The following CEP112 variants were observed in gnomAD, a reference collection of about 807,000 sequenced individuals.
The protein encoded by CEP112 is centrosomal protein of 112 kDa.
CEP112 carries 127 observed loss-of-function variants against 153.0 expected under a neutral mutation model. The observed-to-expected ratio is 0.83, with a 90% confidence interval of 0.72 to 0.96. The LOEUF (loss-of-function observed/expected upper bound fraction) is 0.96. Ranked by LOEUF, CEP112 falls within the 40% of genes least tolerant of loss-of-function variation. The probability of loss-of-function intolerance (pLI) is 0.00; values close to 1 mark genes in which losing one functional copy is unlikely to be tolerated. For synonymous variants in CEP112, 358 were observed against 374.4 expected (o/e 0.96, Z 0.51); for missense variants, 1,089 against 1,101.2 (o/e 0.99, Z 0.16).
chr17:65,660,587 C>T (rs1027704694), intron 24 of CEP112, among the ~76,000 whole-genome samples: 3 of 150,156 alleles, frequency 2.0e-5, no homozygotes, highest in Non-Finnish European at 2.9e-5. Context: ...CTCTGTTGCC[C>T]AGGTTGGACA....
chr17:65,719,474 C>T (rs1440821832), intron 23 of CEP112, among the ~76,000 whole-genome samples: 3 of 151,992 alleles, frequency 2.0e-5, no homozygotes, highest in Non-Finnish European at 2.9e-5. Context: ...CCCAGCTGCT[C>T]GGGAGGCTGA....
intron 2 of CEP112, among the ~76,000 whole-genome samples, chr17:66,180,397 T>C (rs561883274): frequency 6.6e-6 from 1 of 152,276 alleles, no homozygotes; most frequent in East Asian, 1.9e-4. Context: ...TCTAAAATAA[T>C]TTTAGATATA....
At chr17:66,149,903 T>TTTTTTTTTTTTTC (rs1568549474) in intron 4 of CEP112, among the ~76,000 whole-genome samples, 1 of 113,220 alleles carries the variant, frequency 8.8e-6, no homozygotes, top group Non-Finnish European at 1.8e-5. Flanking sequence ...TTTTTTTTTT[T>TTTTTTTTTTTTTC]TTTTTTGAGA....
intron 23 of CEP112, among the ~76,000 whole-genome samples, chr17:65,691,048 G>A (rs1372986807): frequency 6.6e-6 from 1 of 152,120 alleles, no homozygotes; most frequent in Non-Finnish European, 1.5e-5. Context: ...GTCCAGGTAT[G>A]AAATAGAGAT....
intron 18 of CEP112, among the ~76,000 whole-genome samples, chr17:65,928,118 A>C (rs1192540159): frequency 6.6e-6 from 1 of 152,232 alleles, no homozygotes; most frequent in Admixed American, 6.5e-5. Context: ...GTGGGCAAAG[A>C]GCCTGAATAG....
At chr17:65,972,291 A>G (rs1675465837) in intron 17 of CEP112, among the ~76,000 whole-genome samples, 1 of 152,246 alleles carries the variant, frequency 6.6e-6, no homozygotes, top group South Asian at 2.1e-4. Context: ...GTTTTTCTAC[A>G]CAGCCCATGG....
intron 20 of CEP112, among the ~76,000 whole-genome samples, chr17:65,871,173 A>G (rs1175295936): frequency 1.3e-5 from 2 of 152,248 alleles, no homozygotes; most frequent in Admixed American, 6.5e-5. Flanking sequence ...TGAATTTTTA[A>G]CAATGAGATG....
intron 18 of CEP112, among the ~76,000 whole-genome samples, chr17:65,944,616 G>C (rs2061596476): frequency 1.3e-5 from 2 of 151,916 alleles, no homozygotes; most frequent in Non-Finnish European, 2.9e-5. Context: ...AAAGGGTCTT[G>C]CTCTGTCGCT....
intron 24 of CEP112, among the ~76,000 whole-genome samples, chr17:65,668,806 A>C (rs970826779): frequency 6.6e-6 from 1 of 152,198 alleles, no homozygotes; most frequent in African/African-American, 2.4e-5. Flanking sequence ...GTCACTTTTG[A>C]ACAGGCTGTT....
chr17:65,687,662 A>G (rs1403322193), intron 24 of CEP112, among the ~76,000 whole-genome samples: 1 of 152,204 alleles, frequency 6.6e-6, no homozygotes, highest in Non-Finnish European at 1.5e-5. Flanking sequence ...TAGGAAGGCA[A>G]GTCAATTCAG....
intron 4 of CEP112, among the ~76,000 whole-genome samples, chr17:66,163,564 A>G (rs939396035): frequency 6.6e-6 from 1 of 152,136 alleles, no homozygotes; most frequent in African/African-American, 2.4e-5. Flanking sequence ...TATTAGAAAG[A>G]AAAAGAAAAC....
chr17:65,860,232 G>A (rs1469934582), intron 20 of CEP112, among the ~76,000 whole-genome samples: 1 of 151,956 alleles, frequency 6.6e-6, no homozygotes, highest in African/African-American at 2.4e-5. Flanking sequence ...TTAGAAATAA[G>A]CCTATCAAAA....
chr17:65,861,242 T>C (rs1027961485), intron 20 of CEP112, among the ~76,000 whole-genome samples: 1 of 152,208 alleles, frequency 6.6e-6, no homozygotes, highest in Non-Finnish European at 1.5e-5. Flanking sequence ...TTGTATGGAA[T>C]GGCAATTATA....
intron 12 of CEP112, among the ~76,000 whole-genome samples, chr17:66,047,731 C>A (rs2056234): frequency 0.98 from 149,906 of 152,346 alleles, 73,803 homozygotes; most frequent in Middle Eastern, 1. Context: ...TGAGTCTTTT[C>A]TACAGCAGAA....
chr17:65,673,698 A>C (rs971551272), intron 24 of CEP112, among the ~76,000 whole-genome samples: 2 of 152,216 alleles, frequency 1.3e-5, no homozygotes, highest in Non-Finnish European at 2.9e-5. Context: ...TTCATAATCT[A>C]GGTTAGAGAG....
At chr17:65,636,458 G>A (rs2044773500) in intron 26 of CEP112, among the ~76,000 whole-genome samples, 1 of 152,144 alleles carries the variant, frequency 6.6e-6, no homozygotes, top group African/African-American at 2.4e-5. Context: ...ATCCTAGCAA[G>A]TACTGCATCA....
chr17:66,134,564 G>A (rs1457731999), intron 4 of CEP112, among the ~76,000 whole-genome samples: 1 of 152,196 alleles, frequency 6.6e-6, no homozygotes, highest in East Asian at 1.9e-4. Flanking sequence ...CTGGCCAGGT[G>A]CAGTAGCTCA....
chr17:66,079,107 A>G (rs1344639110), intron 8 of CEP112, among the ~76,000 whole-genome samples: 1 of 152,126 alleles, frequency 6.6e-6, no homozygotes, highest in Non-Finnish European at 1.5e-5. Context: ...GGACAAAAAT[A>G]ATAATAATAA....
intron 23 of CEP112, among the ~76,000 whole-genome samples, chr17:65,707,147 T>A (rs1351576851): frequency 6.6e-6 from 1 of 152,220 alleles, no homozygotes; most frequent in African/African-American, 2.4e-5. Context: ...GGTCTCATCT[T>A]CATACAGCAG....
Sources: allele counts gnomAD v4.1 joint callset (sites outside exome capture counted in the v4.1 genomes callset), GRCh38; gene constraint gnomAD v4.1.1; transcripts MANE v1.5; gene names NCBI Gene and HGNC (gene_info 2026-07-23, HGNC 2026-07-21).